The following BORCS8 variants were observed in gnomAD, a reference collection of about 807,000 sequenced individuals.
BORCS8 encodes BLOC-1-related complex subunit 8.
In BORCS8, 13 loss-of-function variants were observed where a neutral mutation model predicts 18.7. That is an observed-to-expected ratio of 0.70 (90% CI 0.45 to 1.11). The LOEUF is 1.11. Ranked by LOEUF, BORCS8 falls within the 50% of genes least tolerant of loss-of-function variation. The pLI is 0.00. For missense variants in BORCS8, 165 were observed against 165.7 expected (o/e 1.00, Z 0.02); for synonymous variants, 68 against 64.8 (o/e 1.05, Z -0.24).
In BORCS8 at chr19:19,192,081, CT is replaced by C; in HGVS notation, c.36del (p.Val13SerfsTer62). 1 of 1,551,438 alleles carries C rather than the reference CT, an allele frequency of 6.4e-7. No individual in the cohort carries two copies. Among genetic ancestry groups the C allele is most frequent in the Non-Finnish European group, 8.7e-7 (1 of 1,146,884 alleles). On this transcript the variant is annotated frameshift_variant and splice_region_variant, in exon 1 of 6. Coordinates refer to ENST00000462790, the MANE Select transcript of BORCS8 (RefSeq NM_001145784.2). LOFTEE classifies it high-confidence loss of function. ...TGTCCCGCCCGCAGGCCCGCACCAC[CT>C]TTCTTCCCCTTGAGCTGCATCTCCG... Reference protein sequence around the residue: ...EEPEMQLKGKKVTDKFTESVY... With the variant: ...EEPEMQLKGKXVTDKFTESVY...
At chr19:19,180,452 A>G in intron 5 of BORCS8, 2 of 575,450 alleles carry the variant, frequency 3.5e-6, no homozygotes, top group South Asian at 4.0e-5. Flanking sequence ...TGGAAAAGAG[A>G]GAGGAAGGTG....
At chr19:19,190,125 G>A (rs1183562049) in intron 1 of BORCS8, among the ~76,000 whole-genome samples, 1 of 152,080 alleles carries the variant, frequency 6.6e-6, no homozygotes, top group Admixed American at 6.6e-5. Flanking sequence ...CTTAAAAGAT[G>A]ACCCCTCCAC....
intron 1 of BORCS8, among the ~76,000 whole-genome samples, chr19:19,189,385 C>A: frequency 6.6e-6 from 1 of 152,190 alleles, no homozygotes; most frequent in East Asian, 1.9e-4. Flanking sequence ...AGTTCAACCT[C>A]CATGCAGCAC....
At chr19:19,187,509 CATA>C (rs1231995920) in intron 1 of BORCS8, among the ~76,000 whole-genome samples, 5 of 148,780 alleles carry the variant, frequency 3.4e-5, no homozygotes, top group Non-Finnish European at 7.4e-5. Flanking sequence ...AATGAGAGGA[CATA>C]ATGAGTGATG....
rs563662649 is a variant in BORCS8, at chr19:19,187,851, T to A, written c.38-846A>T. On this transcript the variant is annotated intron_variant, in intron 1 of 5. Coordinates refer to ENST00000462790, the MANE Select transcript of BORCS8 (RefSeq NM_001145784.2). ...CGCGCCTGGCCAGCTTGATTGAACTTTTTTTTTAGAGACAGGGTCTCGCTC... is the reference window on the plus strand; with the variant it reads ...CGCGCCTGGCCAGCTTGATTGAACTATTTTTTTAGAGACAGGGTCTCGCTC... 1.0e-4 allele frequency among the ~76,000 whole-genome samples: 15 copies of A among 149,300 alleles called. No homozygotes were observed. In the East Asian group the frequency reaches 3.0e-3, roughly 30 times the overall value.
Position 19,192,094 on chromosome 19 carries a change from G to A in BORCS8, c.24C>T (p.Leu8=), listed in dbSNP as rs1250668167. 4.5e-6 allele frequency: 7 copies of A among 1,551,196 alleles called. No individual in the cohort carries two copies. Among genetic ancestry groups the A allele is most frequent in the Non-Finnish European group, 6.1e-6 (7 of 1,146,870 alleles). The stretch of plus-strand genomic sequence containing the variant: ...GGCCCGCACCACCTTTCTTCCCCTT[G>A]AGCTGCATCTCCGGCTCCTCCATAG... MEEPEMQ[L]KGKKVTDKFT... The change falls in exon 1 of 6, where the codon CTC becomes CTT. Residue 8 remains leucine (L), a synonymous_variant. Coordinates refer to ENST00000462790, the MANE Select transcript of BORCS8 (RefSeq NM_001145784.2).
chr19:19,182,682 C>G lies in BORCS8; in HGVS notation c.217G>C (p.Ala73Pro), dbSNP rs1157444467. 2 of 1,550,060 alleles carry G rather than the reference C, an allele frequency of 1.3e-6. No individual in the cohort carries two copies. The highest frequency in any genetic ancestry group is 8.7e-7 in the Non-Finnish European group (1 of 1,146,582). Reference protein sequence around the residue: ...AIYTVEYACSAVKNLVDSSVY... With the variant: ...AIYTVEYACSPVKNLVDSSVY... The stretch of plus-strand genomic sequence containing the variant: ...CTGCTGTCCACCAGGTTCTTCACGG[C>G]GCTGAAACGGGAGGACAGGCCTGGT... The change falls in exon 4 of 6, where the codon GCC becomes CCC. Residue 73 changes from alanine (A) to proline (P), a missense_variant and splice_region_variant. Transcript: ENST00000462790. This position sits in a 1 kb window ranked among gnomAD's most constrained non-coding sequence, Gnocchi z 4.1.
intron 1 of BORCS8, among the ~76,000 whole-genome samples, chr19:19,188,185 A>G (rs1248749032): frequency 1.3e-5 from 2 of 151,390 alleles, no homozygotes; most frequent in African/African-American, 4.9e-5. Flanking sequence ...ACCCGCCACC[A>G]CGCCCGGCTA....
chr19:19,190,793 A>T (rs1292181073), intron 1 of BORCS8, among the ~76,000 whole-genome samples: 5 of 151,358 alleles, frequency 3.3e-5, no homozygotes, highest in African/African-American at 4.9e-5. Context: ...CGTCTCAAAT[A>T]AAAAAAAAGA....
At chr19:19,186,177 G>A in intron 2 of BORCS8, 79 bp from the exon 3 acceptor site, 1 of 1,371,822 alleles carries the variant, frequency 7.3e-7, no homozygotes, top group South Asian at 1.2e-5. Flanking sequence ...TCTTGGTTGG[G>A]GCTCTCCTGA....
At chr19:19,188,175 A>G (rs958748097) in intron 1 of BORCS8, among the ~76,000 whole-genome samples, 5 of 151,624 alleles carry the variant, frequency 3.3e-5, no homozygotes, top group African/African-American at 4.9e-5. Flanking sequence ...GACTACAGGC[A>G]CCCGCCACCA....
intron 5 of BORCS8, 198 bp from the exon 6 acceptor site, chr19:19,177,658 A>G (rs2060302219): frequency 1.2e-5 from 1 of 81,930 alleles, no homozygotes; most frequent in Admixed American, 1.5e-4. Flanking sequence ...GGAAGGAAGG[A>G]AGGAAGGAAG....
At chr19:19,189,606 G>A (rs1280761115) in intron 1 of BORCS8, among the ~76,000 whole-genome samples, 1 of 152,176 alleles carries the variant, frequency 6.6e-6, no homozygotes, top group African/African-American at 2.4e-5. Flanking sequence ...GAGAGGACAA[G>A]GTAGGAGGAT....
At chr19:19,181,983 C>T (rs985510801) in intron 4 of BORCS8, 5 of 985,348 alleles carry the variant, frequency 5.1e-6, no homozygotes, top group East Asian at 2.3e-4. Context: ...GAGTGCTTTT[C>T]GTTTTCAGAC....
chr19:19,182,366 C>T lies in BORCS8; in HGVS notation c.326+207G>A. The T allele has an allele frequency of 7.5e-7, 1 of 1,331,778 alleles. No homozygotes were observed. Among genetic ancestry groups the T allele is most frequent in the Middle Eastern group, 2.9e-4 (1 of 3,470 alleles). The allele number at this position is 1,331,778 out of a possible 1,614,324, so 82.5% of individuals were successfully genotyped here. Reference sequence around the variant, plus strand: ...TATGTCCCCAGTGCCCAGCCCAGGGCCAGGCACACAGCAGAGCGCAGGACC... The same window carrying T: ...TATGTCCCCAGTGCCCAGCCCAGGGTCAGGCACACAGCAGAGCGCAGGACC... On this transcript the variant is annotated intron_variant, in intron 4 of 5. Coordinates refer to ENST00000462790, the MANE Select transcript of BORCS8 (RefSeq NM_001145784.2). The surrounding 1 kb of genome is among the most constrained non-coding windows in gnomAD (Gnocchi z 4.1).
intron 4 of BORCS8, among the ~76,000 whole-genome samples, chr19:19,181,195 GAA>G (rs34972463): frequency 6.2e-5 from 8 of 129,854 alleles, no homozygotes; most frequent in Admixed American, 8.0e-5. Flanking sequence ...GCTCTGTCTT[GAA>G]AAAAAAAAAA....
Position 19,180,755 on chromosome 19 carries a change from C to T in BORCS8, c.333G>A (p.Glu111=), listed in dbSNP as rs2060340382. Residue 111 remains glutamate, a synonymous_variant, in exon 5 of 6, where the codon GAG becomes GAA. Transcript: ENST00000462790. ...MNASAQGHSP[E]EPPPPSSA The stretch of plus-strand genomic sequence containing the variant: ...AGGCTGAGGAGGGCGGGGGTGGTTC[C>T]TCCGGGCTGCAACAAAACATGTGCA... 3.2e-6 allele frequency: 5 copies of T among 1,548,250 alleles called. No homozygotes were observed.
At chr19:19,191,470 C>T (rs1327021957) in intron 1 of BORCS8, among the ~76,000 whole-genome samples, 1 of 142,500 alleles carries the variant, frequency 7.0e-6, no homozygotes, top group African/African-American at 2.6e-5. Flanking sequence ...CCAGCCTGGG[C>T]GACAGTGTGA....
At chr19:19,180,396 G>A in intron 5 of BORCS8, 2 of 488,604 alleles carry the variant, frequency 4.1e-6, no homozygotes, top group East Asian at 4.1e-5. Flanking sequence ...TCCCTTCTCT[G>A]TCTTGGGGGG....
Sources: allele counts gnomAD v4.1 joint callset (sites outside exome capture counted in the v4.1 genomes callset), GRCh38; gene constraint gnomAD v4.1.1; non-coding constraint Gnocchi (gnomAD v3.1); transcripts MANE v1.5; gene names NCBI Gene and HGNC (gene_info 2026-07-23, HGNC 2026-07-21).